Variants in SEC24A observed in about 807,000 individuals in gnomAD.
SEC24A encodes SEC24 homolog A, COPII component, also known as protein transport protein Sec24A.
In SEC24A, 93 loss-of-function variants were observed where a neutral mutation model predicts 129.4. The observed-to-expected ratio is 0.72, with a 90% CI of 0.61 to 0.85. The LOEUF is 0.85. Among genes scored for constraint, SEC24A ranks in the 40% least tolerant of loss-of-function variants. SEC24A has a pLI of 0.00. For synonymous variants in SEC24A, 460 were observed against 467.3 expected (o/e 0.98, Z 0.20); for missense variants, 1,264 against 1,307.4 (o/e 0.97, Z 0.51).
At position 134,727,558 on chromosome 5, in the gene SEC24A, C is replaced by T. The variant is rs958873894; in HGVS notation, c.*2464C>T. 6.6e-6 allele frequency: 1 copy of T among 152,420 alleles called. No individual in the cohort carries two copies. Among genetic ancestry groups the T allele is most frequent in the East Asian group, 1.9e-4 (1 of 5,200 alleles). The allele number at this position is 152,420 out of a possible 1,614,324, so 9.4% of individuals were successfully genotyped here. A position where few individuals can be genotyped will look rare whatever the true frequency, so the allele number is the denominator to read the frequency against. On this transcript the variant is annotated 3_prime_UTR_variant, in exon 23 of 23. Coordinates refer to ENST00000398844, the MANE Select transcript of SEC24A (RefSeq NM_021982.3). Reference sequence around the variant, plus strand: ...GATTTATTTCTTCTAATCAAAGATGCATAACAGCTATTATCTAGGGGACCA... The same window carrying T: ...GATTTATTTCTTCTAATCAAAGATGTATAACAGCTATTATCTAGGGGACCA...
At position 134,726,317 on chromosome 5, in the gene SEC24A, T is replaced by C. The variant is rs911101049; in HGVS notation, c.*1223T>C. The C allele has an allele frequency of 6.6e-6, 1 of 152,578 alleles. No homozygotes were observed. The highest frequency in any genetic ancestry group is 1.5e-5 in the Non-Finnish European group (1 of 67,980). 9.5% of individuals were successfully genotyped at this position (152,578 alleles called of 1,614,324 possible). A position where few individuals can be genotyped will look rare whatever the true frequency, so the allele number is the denominator to read the frequency against. ...GCTGTGACATAGTATCTTTAAGAGT[T>C]TGGCTCAGTTTTCACAGATTCATTT... is the stretch of plus-strand genomic sequence containing the variant. On this transcript the variant is annotated 3_prime_UTR_variant, in exon 23 of 23. Coordinates refer to ENST00000398844, the MANE Select transcript of SEC24A (RefSeq NM_021982.3).
Position 134,727,216 on chromosome 5 carries a change from C to T in SEC24A, c.*2122C>T, listed in dbSNP as rs951616547. 1.4e-4 allele frequency: 22 copies of T among 152,240 alleles called. 1 individual carries two copies. The highest frequency in any genetic ancestry group is 1.2e-3 in the Admixed American group (19 of 15,224). 9.4% of individuals were successfully genotyped at this position (152,240 alleles called of 1,614,324 possible). A position where few individuals can be genotyped will look rare whatever the true frequency, so the allele number is the denominator to read the frequency against. Reference sequence around the variant, plus strand: ...TCTTGTATTACTTTTTGATGTAAAGCGACTAATATTTACACTATGCCATAT... The same window carrying T: ...TCTTGTATTACTTTTTGATGTAAAGTGACTAATATTTACACTATGCCATAT... On this transcript the variant is annotated 3_prime_UTR_variant, in exon 23 of 23. Transcript: ENST00000398844.
chr5:134,713,342 G>A (rs1035721112), intron 18 of SEC24A, among the ~76,000 whole-genome samples: 2 of 151,898 alleles, frequency 1.3e-5, no homozygotes, highest in Non-Finnish European at 1.5e-5. Flanking sequence ...GATTTAATAT[G>A]CAGTACCCCA....
Position 134,679,642 on chromosome 5 carries a change from G to T in SEC24A, c.1295G>T (p.Arg432Leu). 1 of 1,593,284 alleles carries T rather than the reference G, an allele frequency of 6.3e-7. No individual in the cohort carries two copies. Among genetic ancestry groups the T allele is most frequent in the Non-Finnish European group, 8.6e-7 (1 of 1,165,856 alleles). ...VVTSSTIVRC[R>L]SCRTYINPFV... is the part of the protein sequence containing the mutation. ...ACCTCCAGTACAATTGTGAGATGCCGTTCATGCAGGACGTACATCAATCCT... is the reference window on the plus strand; with the variant it reads ...ACCTCCAGTACAATTGTGAGATGCCTTTCATGCAGGACGTACATCAATCCT... Residue 432 changes from arginine to leucine, a missense_variant, in exon 8 of 23, where the codon CGT becomes CTT. Physicochemically the swap from Arg to Leu is moderately radical, Grantham distance 102. Coordinates refer to ENST00000398844, the MANE Select transcript of SEC24A (RefSeq NM_021982.3).
At chr5:134,720,157 T>G (rs1470103001) in intron 20 of SEC24A, among the ~76,000 whole-genome samples, 3 of 152,218 alleles carry the variant, frequency 2.0e-5, no homozygotes, top group African/African-American at 7.2e-5. Flanking sequence ...ACTCACTGAC[T>G]CACCCAGAGC....
intron 18 of SEC24A, 110 bp from the exon 19 acceptor site, chr5:134,714,914 A>T: frequency 8.9e-7 from 1 of 1,124,628 alleles, no homozygotes; most frequent in East Asian, 2.6e-5. Context: ...ATTAACAGTA[A>T]ATTTGTGAAT....
At chr5:134,652,142 A>C (rs1418110514) in intron 1 of SEC24A, among the ~76,000 whole-genome samples, 1 of 151,540 alleles carries the variant, frequency 6.6e-6, no homozygotes, top group Non-Finnish European at 1.5e-5. Flanking sequence ...GGCTGGTCTC[A>C]AACTCCTGAC....
chr5:134,695,620 A>T (rs1751797046), intron 13 of SEC24A, among the ~76,000 whole-genome samples: 1 of 152,052 alleles, frequency 6.6e-6, no homozygotes, highest in African/African-American at 2.4e-5. Context: ...CCCTGTCTCT[A>T]CTAAAAATAC....
intron 20 of SEC24A, among the ~76,000 whole-genome samples, chr5:134,719,608 A>G (rs1752575408): frequency 6.6e-6 from 1 of 151,632 alleles, no homozygotes; most frequent in Non-Finnish European, 1.5e-5. Context: ...AGATCACCTG[A>G]ACCCAGGAGG....
rs1751203598 is a variant in SEC24A at position 134,679,832 on chromosome 5, T to TTA, written c.1381+104_1381+105insTA. Reference sequence around the variant, plus strand: ...AAAAAAAAAAACCCTTTTATTTACCTCTAGTCAATCCTTCCACTCAGAGAA... The same window carrying TTA: ...AAAAAAAAAAACCCTTTTATTTACCTTACTAGTCAATCCTTCCACTCAGAGAA... On this transcript the variant is annotated intron_variant, in intron 8 of 22. Coordinates refer to ENST00000398844, the MANE Select transcript of SEC24A (RefSeq NM_021982.3). 5 of 895,570 alleles carry TTA rather than the reference T, an allele frequency of 5.6e-6. No homozygotes were observed. The Admixed American group carries it at 9.4e-5, about 17-fold the overall frequency. The allele number at this position is 895,570 out of a possible 1,614,324, so 55.5% of individuals were successfully genotyped here. A position where few individuals can be genotyped will look rare whatever the true frequency, so the allele number is the denominator to read the frequency against.
At chr5:134,666,484 G>T (rs1420354636) in intron 2 of SEC24A, among the ~76,000 whole-genome samples, 2 of 152,230 alleles carry the variant, frequency 1.3e-5, no homozygotes, top group East Asian at 3.9e-4. Flanking sequence ...TTGAACCCGG[G>T]AGGTGGAGGT....
At chr5:134,706,273 G>A (rs1365769718) in intron 17 of SEC24A, among the ~76,000 whole-genome samples, 1 of 152,150 alleles carries the variant, frequency 6.6e-6, no homozygotes, top group African/African-American at 2.4e-5. Context: ...ATTAGACTTA[G>A]AGTCATGGAA....
At chr5:134,704,427 T>A (rs1396267046) in intron 16 of SEC24A, among the ~76,000 whole-genome samples, 1 of 152,192 alleles carries the variant, frequency 6.6e-6, no homozygotes, top group South Asian at 2.1e-4. Context: ...AAGAGATTTT[T>A]AAAAATTTAG....
intron 11 of SEC24A, among the ~76,000 whole-genome samples, chr5:134,688,764 A>C (rs536475054): frequency 6.6e-6 from 1 of 152,016 alleles, no homozygotes; most frequent in Non-Finnish European, 1.5e-5. Context: ...ACTGCAGCCT[A>C]TGCCTCCCGG....
chr5:134,671,927 T>C (rs1005701008), intron 4 of SEC24A, 41 bp downstream of exon 4: 2 of 1,205,836 alleles, frequency 1.7e-6, no homozygotes, highest in Non-Finnish European at 2.4e-6. Flanking sequence ...CTCTTTTTTC[T>C]GATTATAGAA....
intron 9 of SEC24A, 137 bp from the exon 10 acceptor site, chr5:134,686,653 T>G (rs1751462841): frequency 7.9e-6 from 4 of 507,772 alleles, no homozygotes; most frequent in Non-Finnish European, 1.4e-5. Flanking sequence ...CAATATAGTA[T>G]AGCTTTGCCT....
intron 8 of SEC24A, among the ~76,000 whole-genome samples, chr5:134,681,442 TTGTGTGTGTGTGTGTGTGTG>T (rs34487329): frequency 4.9e-5 from 7 of 143,698 alleles, no homozygotes; most frequent in Non-Finnish European, 1.1e-4. Flanking sequence ...GTTTTATTGT[TTGTGTGTGTGTGTGTGTGTG>T]TGTGTGTGTG....
At chr5:134,700,401 G>T (rs2150102551) in intron 15 of SEC24A, among the ~76,000 whole-genome samples, 1 of 151,914 alleles carries the variant, frequency 6.6e-6, no homozygotes, top group South Asian at 2.1e-4. Flanking sequence ...TAATTTTTCT[G>T]TAGAGACAGG....
At chr5:134,697,783 C>G (rs1462170699) in intron 14 of SEC24A, 116 bp from the exon 15 acceptor site, 1 of 1,091,090 alleles carries the variant, frequency 9.2e-7, no homozygotes, top group Non-Finnish European at 1.3e-6. Flanking sequence ...AATCTCCTTT[C>G]TGACAGTAGT....
Sources: gnomAD v4.1 joint callset for allele counts (sites outside exome capture counted in the v4.1 genomes callset) on GRCh38, gnomAD v4.1.1 for gene constraint, MANE v1.5 for transcripts, NCBI Gene and HGNC (gene_info 2026-07-23, HGNC 2026-07-21) for gene names.